The following ARHGAP10 variants were observed in gnomAD, a reference collection of about 807,000 sequenced individuals.
The protein encoded by ARHGAP10 is rho GTPase-activating protein 10.
In ARHGAP10, 87 loss-of-function variants were observed where a neutral mutation model predicts 108.6. The ratio of observed to expected loss-of-function variants is 0.80; its 90% confidence interval spans 0.67 to 0.96. The LOEUF (loss-of-function observed/expected upper bound fraction) is 0.96, where lower values mean the gene tolerates loss of function less well. Ranked by LOEUF, ARHGAP10 falls within the 40% of genes least tolerant of loss-of-function variation. The pLI, the probability that ARHGAP10 is intolerant of heterozygous loss-of-function variation, is 0.00. For synonymous variants in ARHGAP10, 347 were observed against 341.1 expected (o/e 1.02, Z -0.19); for missense variants, 939 against 954.5 (o/e 0.98, Z 0.21).
At chr4:147,899,114 C>T (rs1001990648) in intron 10 of ARHGAP10, among the ~76,000 whole-genome samples, 2 of 152,208 alleles carry the variant, frequency 1.3e-5, no homozygotes, top group African/African-American at 4.8e-5. Flanking sequence ...CAGACTTCCT[C>T]ATGAGCGCTT....
chr4:147,996,884 C>A (rs1478245057), intron 18 of ARHGAP10, among the ~76,000 whole-genome samples: 1 of 152,168 alleles, frequency 6.6e-6, no homozygotes, highest in Non-Finnish European at 1.5e-5. Context: ...AGCAGCCATC[C>A]ACAAGCCAGG....
At chr4:147,815,899 C>T (rs1035665598) in intron 1 of ARHGAP10, among the ~76,000 whole-genome samples, 5 of 152,142 alleles carry the variant, frequency 3.3e-5, no homozygotes, top group Non-Finnish European at 5.9e-5. Flanking sequence ...GAGACTTCCC[C>T]CATTTTAGAC....
At chr4:148,010,870 G>T (rs761476452) in intron 18 of ARHGAP10, among the ~76,000 whole-genome samples, 8 of 152,098 alleles carry the variant, frequency 5.3e-5, no homozygotes, top group African/African-American at 1.9e-4. Context: ...ATACTTCCCC[G>T]TTGTCAAATG....
At chr4:147,906,842 C>T in intron 11 of ARHGAP10, 123 bp downstream of exon 11, 1 of 1,148,022 alleles carries the variant, frequency 8.7e-7, no homozygotes. Flanking sequence ...TTCCAAAAAT[C>T]ATCGTGGAAG....
intron 8 of ARHGAP10, among the ~76,000 whole-genome samples, chr4:147,876,935 C>A (rs1290570182): frequency 6.6e-6 from 1 of 152,208 alleles, no homozygotes. Flanking sequence ...CATACAACTA[C>A]TAAATGCTGG....
At chr4:147,936,286 C>T (rs1225053510) in intron 13 of ARHGAP10, among the ~76,000 whole-genome samples, 1 of 150,334 alleles carries the variant, frequency 6.7e-6, no homozygotes, top group Non-Finnish European at 1.5e-5. Flanking sequence ...TTTCCAACTC[C>T]TGGCAGGGCT....
intron 1 of ARHGAP10, among the ~76,000 whole-genome samples, chr4:147,763,333 G>C (rs1049705929): frequency 4.8e-5 from 4 of 83,828 alleles, no homozygotes; most frequent in African/African-American, 2.4e-4. Flanking sequence ...TTTTTTTTTT[G>C]AGACAGTCTC....
chr4:148,012,372 C>T (rs181694352), intron 18 of ARHGAP10, among the ~76,000 whole-genome samples: 12 of 152,142 alleles, frequency 7.9e-5, no homozygotes, highest in Admixed American at 7.2e-4. Flanking sequence ...GGTGCAGGAG[C>T]GAGGTAAAGA....
intron 19 of ARHGAP10, among the ~76,000 whole-genome samples, chr4:148,027,897 T>C (rs901916593): frequency 1.3e-4 from 19 of 151,716 alleles, no homozygotes; most frequent in African/African-American, 4.1e-4. Flanking sequence ...CATTTGGAAG[T>C]TTTTTTTGCC....
intron 9 of ARHGAP10, among the ~76,000 whole-genome samples, chr4:147,880,586 T>G (rs1337259206): frequency 6.6e-6 from 1 of 152,168 alleles, no homozygotes; most frequent in East Asian, 1.9e-4. Flanking sequence ...TTTGTGTATC[T>G]TAATGTTTGT....
intron 18 of ARHGAP10, among the ~76,000 whole-genome samples, chr4:148,004,133 GC>G (rs1740849803): frequency 6.6e-6 from 1 of 152,204 alleles, no homozygotes; most frequent in Non-Finnish European, 1.5e-5. Context: ...GGAGACTGAG[GC>G]TGGAGGAGCC....
At chr4:147,966,881 G>C in intron 18 of ARHGAP10, 42 bp downstream of exon 18, 2 of 1,495,692 alleles carry the variant, frequency 1.3e-6, no homozygotes, top group South Asian at 2.7e-5. Context: ...TTTTCGGCTT[G>C]TCGCCATGTA....
chr4:148,023,270 G>T lies in ARHGAP10; in HGVS notation c.1724G>T (p.Arg575Leu). The change falls in exon 19 of 23, where the codon CGG becomes CTG. Residue 575 changes from arginine (R) to leucine (L), a missense_variant. Coordinates refer to ENST00000336498, the MANE Select transcript of ARHGAP10 (RefSeq NM_024605.4). ...ILIENHEKIF[R>L]TPPDTTFPEP... ...TTTATGCTTTGTTGGAAGATTTTTCGGACGCCGCCCGATACTACATTCCCT... is the reference window on the plus strand; with the variant it reads ...TTTATGCTTTGTTGGAAGATTTTTCTGACGCCGCCCGATACTACATTCCCT... 1 of 1,613,338 alleles carries T rather than the reference G, an allele frequency of 6.2e-7. No individual in the cohort carries two copies. Among genetic ancestry groups the T allele is most frequent in the African/African-American group, 1.3e-5 (1 of 74,964 alleles).
intron 10 of ARHGAP10, among the ~76,000 whole-genome samples, chr4:147,882,908 GT>G (rs1735388182): frequency 6.6e-6 from 1 of 152,128 alleles, no homozygotes; most frequent in South Asian, 2.1e-4. Context: ...GCCAGCCCTG[GT>G]TTTGGCAGTG....
At chr4:147,742,145 G>C (rs1324894721) in intron 1 of ARHGAP10, among the ~76,000 whole-genome samples, 1 of 151,650 alleles carries the variant, frequency 6.6e-6, no homozygotes, top group Non-Finnish European at 1.5e-5. Context: ...ACAGGATGTG[G>C]AATGGTCTCT....
intron 20 of ARHGAP10, among the ~76,000 whole-genome samples, chr4:148,055,913 C>T (rs1729343522): frequency 6.6e-6 from 1 of 152,116 alleles, no homozygotes; most frequent in African/African-American, 2.4e-5. Flanking sequence ...GATTCTCCAT[C>T]CGAATTGTCT....
chr4:147,994,768 C>G (rs901867183), intron 18 of ARHGAP10, among the ~76,000 whole-genome samples: 1 of 152,098 alleles, frequency 6.6e-6, no homozygotes, highest in Non-Finnish European at 1.5e-5. Context: ...GAAACATTCT[C>G]CTAGGAAAGG....
At chr4:147,989,796 A>G (rs1005899874) in intron 18 of ARHGAP10, among the ~76,000 whole-genome samples, 3 of 152,208 alleles carry the variant, frequency 2.0e-5, no homozygotes, top group Admixed American at 2.0e-4. Context: ...GAGATGATAT[A>G]CATCCTTCTC....
intron 3 of ARHGAP10, among the ~76,000 whole-genome samples, chr4:147,832,666 G>GAAAAAAAAAAAAAAAAA (rs1165230059): frequency 2.2e-5 from 1 of 45,756 alleles, no homozygotes. Context: ...AAAAAAAAAG[G>GAAAAAAAAAAAAAAAAA]AAATTGGAGC....
Sources: gnomAD v4.1 joint callset for allele counts (sites outside exome capture counted in the v4.1 genomes callset) on GRCh38, gnomAD v4.1.1 for gene constraint, MANE v1.5 for transcripts, NCBI Gene and HGNC (gene_info 2026-07-23, HGNC 2026-07-21) for gene names.